NOS1AP: variants seen among roughly 807,000 people sequenced by gnomAD.
NOS1AP encodes the protein nitric oxide synthase 1 adaptor protein, also known as carboxyl-terminal PDZ ligand of neuronal nitric oxide synthase protein.
Under a neutral mutation model 56.2 loss-of-function variants are expected in NOS1AP, and 21 were observed. The observed-to-expected ratio is 0.37, with a 90% CI of 0.26 to 0.54. The LOEUF (loss-of-function observed/expected upper bound fraction) is 0.54. Ranked by LOEUF, NOS1AP falls within the 20% of genes least tolerant of loss-of-function variation. The pLI, the probability that NOS1AP is intolerant of heterozygous loss-of-function variation, is 0.84. For missense variants in NOS1AP, 522 were observed against 657.8 expected (o/e 0.79, Z 2.26); for synonymous variants, 270 against 274.6 (o/e 0.98, Z 0.17).
intron 2 of NOS1AP, among the ~76,000 whole-genome samples, chr1:162,161,290 G>A (rs1650205553): frequency 1.3e-5 from 2 of 152,190 alleles, no homozygotes. Flanking sequence ...GGGGGGCTTT[G>A]AGTCTGTCTA....
intron 2 of NOS1AP, among the ~76,000 whole-genome samples, chr1:162,198,326 G>T (rs12725553): frequency 6.6e-6 from 1 of 152,052 alleles, no homozygotes; most frequent in African/African-American, 2.4e-5. Context: ...CTTTCTGATC[G>T]TTGTGATGGT....
intron 2 of NOS1AP, among the ~76,000 whole-genome samples, chr1:162,191,399 C>G (rs1367072699): frequency 6.6e-6 from 1 of 152,134 alleles, no homozygotes; most frequent in African/African-American, 2.4e-5. Context: ...TTTCTGTGCA[C>G]TATGGTGCAG....
At chr1:162,181,209 C>G (rs977776211) in intron 2 of NOS1AP, among the ~76,000 whole-genome samples, 1 of 152,188 alleles carries the variant, frequency 6.6e-6, no homozygotes, top group Non-Finnish European at 1.5e-5. Context: ...AATCAGTATG[C>G]TGACAAGAAA....
chr1:162,289,522 T>C (rs951618760), intron 3 of NOS1AP, among the ~76,000 whole-genome samples: 1 of 135,650 alleles, frequency 7.4e-6, no homozygotes, highest in Admixed American at 8.1e-5. Context: ...TCGCCCAGGC[T>C]GGAGTGCAGT....
intron 7 of NOS1AP, among the ~76,000 whole-genome samples, chr1:162,356,132 C>T (rs909403033): frequency 7.2e-5 from 11 of 152,152 alleles, no homozygotes; most frequent in African/African-American, 2.7e-4. Context: ...CCTGACGTTT[C>T]CTTTGGAACC....
At chr1:162,134,549 TA>T (rs1262356849) in intron 1 of NOS1AP, among the ~76,000 whole-genome samples, 1 of 137,712 alleles carries the variant, frequency 7.3e-6, no homozygotes, top group Non-Finnish European at 1.6e-5. Flanking sequence ...GGAAGGAGAG[TA>T]GGGAAAAAGT....
rs1271780832 is a variant in NOS1AP at position 162,069,747 on chromosome 1, T to TCCGCCGCCACCG, written c.-428_-417dup. On this transcript the variant is annotated 5_prime_UTR_variant, in exon 1 of 10. Transcript: ENST00000361897. ...AGCGTCTCCGTGACAGGCACCCTGC[T>TCCGCCGCCACCG]CCGCCGCCACCGCCACCGCCACCGC... is the stretch of plus-strand genomic sequence containing the variant. 4 of 154,862 alleles carry TCCGCCGCCACCG rather than the reference T, an allele frequency of 2.6e-5. No individual in the cohort carries two copies. The highest frequency in any genetic ancestry group is 6.6e-5 in the Admixed American group (1 of 15,202). 9.6% of individuals were successfully genotyped at this position (154,862 alleles called of 1,614,324 possible). A position where few individuals can be genotyped will look rare whatever the true frequency, so the allele number is the denominator to read the frequency against.
chr1:162,335,680 G>A (rs79927568), intron 5 of NOS1AP, among the ~76,000 whole-genome samples: 1,898 of 152,204 alleles, frequency 0.012, 28 homozygotes, highest in South Asian at 0.044. Flanking sequence ...GGTGTTCTCC[G>A]GAGCCCTCGT....
intron 6 of NOS1AP, among the ~76,000 whole-genome samples, chr1:162,348,152 C>G (rs1657363939): frequency 6.6e-6 from 1 of 152,202 alleles, no homozygotes; most frequent in Admixed American, 6.5e-5. Flanking sequence ...AACTGACAAA[C>G]AGAGCCAGTG....
At chr1:162,330,947 T>C (rs1300538088) in intron 4 of NOS1AP, among the ~76,000 whole-genome samples, 1 of 152,166 alleles carries the variant, frequency 6.6e-6, no homozygotes, top group Non-Finnish European at 1.5e-5. Context: ...CCTGGGTTTC[T>C]GGCTTGAGTA....
chr1:162,156,789 C>T (rs1649994710), intron 2 of NOS1AP, among the ~76,000 whole-genome samples: 1 of 152,042 alleles, frequency 6.6e-6, no homozygotes, highest in Non-Finnish European at 1.5e-5. Context: ...TTTACAACTA[C>T]TCTAGATGAG....
At chr1:162,176,459 A>C (rs1410896076) in intron 2 of NOS1AP, among the ~76,000 whole-genome samples, 1 of 150,216 alleles carries the variant, frequency 6.7e-6, no homozygotes, top group Non-Finnish European at 1.5e-5. Context: ...TTCACTTAGC[A>C]GTATGTACTT....
chr1:162,183,221 G>A (rs780059841), intron 2 of NOS1AP, among the ~76,000 whole-genome samples: 2 of 152,214 alleles, frequency 1.3e-5, no homozygotes, highest in African/African-American at 2.4e-5. Context: ...GTTAATGACA[G>A]TAATATTTTG....
intron 1 of NOS1AP, among the ~76,000 whole-genome samples, chr1:162,087,232 A>G (rs1298368614): frequency 6.6e-6 from 1 of 151,998 alleles, no homozygotes; most frequent in Non-Finnish European, 1.5e-5. Context: ...CCCCTTAGTG[A>G]GTCTTTATTT....
At chr1:162,217,582 T>C (rs1652625523) in intron 2 of NOS1AP, among the ~76,000 whole-genome samples, 1 of 152,118 alleles carries the variant, frequency 6.6e-6, no homozygotes, top group Non-Finnish European at 1.5e-5. Flanking sequence ...TGGCTTTTTG[T>C]TCAAGCACTG....
At chr1:162,124,509 C>CTGT (rs1434205901) in intron 1 of NOS1AP, among the ~76,000 whole-genome samples, 6 of 91,332 alleles carry the variant, frequency 6.6e-5, no homozygotes, top group Admixed American at 1.1e-4. Flanking sequence ...GTGTGTGTGA[C>CTGT]ACACACACAC....
intron 1 of NOS1AP, among the ~76,000 whole-genome samples, chr1:162,127,297 G>A (rs941536568): frequency 6.6e-6 from 1 of 152,102 alleles, no homozygotes; most frequent in Non-Finnish European, 1.5e-5. Flanking sequence ...TAAGTTGAAA[G>A]TATAGTGCAA....
chr1:162,326,927 C>G (rs1418089557), intron 4 of NOS1AP, among the ~76,000 whole-genome samples: 3 of 152,116 alleles, frequency 2.0e-5, no homozygotes, highest in Non-Finnish European at 4.4e-5. Flanking sequence ...TCTAGTCAGG[C>G]CCCAAAAATG....
At chr1:162,252,968 G>A (rs1438458575) in intron 2 of NOS1AP, among the ~76,000 whole-genome samples, 3 of 152,156 alleles carry the variant, frequency 2.0e-5, no homozygotes, top group Non-Finnish European at 4.4e-5. Flanking sequence ...CTTGGTATAT[G>A]CTGGTACATG....
Sources: allele counts gnomAD v4.1 joint callset (sites outside exome capture counted in the v4.1 genomes callset), GRCh38; gene constraint gnomAD v4.1.1; transcripts MANE v1.5; gene names NCBI Gene and HGNC (gene_info 2026-07-23, HGNC 2026-07-21).